Variants in ZNF681 observed in about 807,000 individuals in gnomAD.
The protein encoded by ZNF681 is hypothetical protein FLJ31526.
Under a neutral mutation model 56.0 loss-of-function variants are expected in ZNF681, and 37 were observed. The ratio of observed to expected loss-of-function variants is 0.66; its 90% CI spans 0.51 to 0.87. ZNF681 has a LOEUF of 0.87. Ranked by LOEUF, ZNF681 falls within the 40% of genes least tolerant of loss-of-function variation. ZNF681 has a pLI of 0.00. For synonymous variants in ZNF681, 225 were observed against 248.6 expected (o/e 0.91, Z 0.89); for missense variants, 741 against 744.9 (o/e 0.99, Z 0.06).
At chr19:23,757,235 GA>G (rs538562840) in intron 1 of ZNF681, among the ~76,000 whole-genome samples, 9 of 151,874 alleles carry the variant, frequency 5.9e-5, no homozygotes, top group East Asian at 5.8e-4. Flanking sequence ...AAAAGAAAAA[GA>G]AAAAAAATTA....
At chr19:23,747,916 TAGAGA>T (rs1436156900) in intron 3 of ZNF681, among the ~76,000 whole-genome samples, 1 of 151,962 alleles carries the variant, frequency 6.6e-6, no homozygotes, top group Non-Finnish European at 1.5e-5. Context: ...GAGCACACAA[TAGAGA>T]AAAGACAATC....
chr19:23,754,099 G>A (rs184342560), intron 3 of ZNF681, among the ~76,000 whole-genome samples: 186 of 144,212 alleles, frequency 1.3e-3, no homozygotes, highest in African/African-American at 4.2e-3. Flanking sequence ...CAAACAGGAC[G>A]GAATATGCAG....
At chr19:23,754,747 T>G in intron 3 of ZNF681, 76 bp downstream of exon 3, 1 of 1,171,018 alleles carries the variant, frequency 8.5e-7, no homozygotes, top group Non-Finnish European at 1.3e-6. Context: ...AATCACATTA[T>G]AAGCACTAGC....
intron 3 of ZNF681, among the ~76,000 whole-genome samples, chr19:23,746,132 T>C (rs1243684638): frequency 2.0e-5 from 3 of 151,972 alleles, no homozygotes; most frequent in Non-Finnish European, 4.4e-5. Flanking sequence ...CTGGCCAACA[T>C]GGTGAAACCC....
rs528798337 is a variant in ZNF681 at position 23,754,154 on chromosome 19, TG to T, written c.226+668del. Among the ~76,000 whole-genome samples, 7 of 151,924 alleles carry T rather than the reference TG, an allele frequency of 4.6e-5. No homozygotes were observed. In the South Asian group the frequency reaches 1.5e-3, roughly 32 times the overall value. On this transcript the variant is annotated intron_variant, in intron 3 of 3. Transcript: ENST00000402377. Reference sequence around the variant, plus strand: ...CTACTCTCACACATTTCAGAGATGATGCAAAAAAAGAACTTAACAGAGTTTC... The same window carrying T: ...CTACTCTCACACATTTCAGAGATGATCAAAAAAAGAACTTAACAGAGTTTC...
chr19:23,747,362 G>A (rs1016499290), intron 3 of ZNF681, among the ~76,000 whole-genome samples: 50 of 152,120 alleles, frequency 3.3e-4, no homozygotes, highest in African/African-American at 8.7e-4. Flanking sequence ...CAAAGTGGCC[G>A]GGCGCGGTGG....
chr19:23,742,533 AAT>A lies in ZNF681; in HGVS notation c.*1077_*1078del. The A allele has an allele frequency of 6.6e-6, 1 of 152,026 alleles. No homozygotes were observed. The highest frequency in any genetic ancestry group is 1.5e-5 in the Non-Finnish European group (1 of 68,022). The allele number at this position is 152,026 out of a possible 1,614,324, so 9.4% of individuals were successfully genotyped here. Reference sequence around the variant, plus strand: ...CAATTAGTAAAATGATATACCAGAAAATTTTTTTTCTCAATATAACACAGGAT... The same window carrying A: ...CAATTAGTAAAATGATATACCAGAAATTTTTTTCTCAATATAACACAGGAT... On this transcript the variant is annotated 3_prime_UTR_variant, in exon 4 of 4. Transcript: ENST00000402377.
intron 1 of ZNF681, among the ~76,000 whole-genome samples, chr19:23,756,412 T>C (rs917433779): frequency 4.0e-5 from 6 of 151,792 alleles, no homozygotes; most frequent in East Asian, 1.9e-4. Flanking sequence ...AATGATAGAA[T>C]GGATAAAGAA....
At chr19:23,754,779 G>A (rs767946092) in intron 3 of ZNF681, 44 bp downstream of exon 3, 10 of 1,477,878 alleles carry the variant, frequency 6.8e-6, no homozygotes, top group Middle Eastern at 1.7e-4. Flanking sequence ...CCTTTGAACC[G>A]CTCATCTATG....
chr19:23,757,811 C>T (rs570688368), intron 1 of ZNF681, among the ~76,000 whole-genome samples: 2 of 152,038 alleles, frequency 1.3e-5, no homozygotes, highest in Admixed American at 6.6e-5. Context: ...GTTCTCTATG[C>T]CACTGGGGTA....
At chr19:23,746,779 C>T (rs769424212) in intron 3 of ZNF681, among the ~76,000 whole-genome samples, 67 of 152,282 alleles carry the variant, frequency 4.4e-4, no homozygotes, top group Non-Finnish European at 7.6e-4. Flanking sequence ...ACACAATATT[C>T]TTATTTGCAC....
intron 3 of ZNF681, among the ~76,000 whole-genome samples, chr19:23,749,989 GAA>G (rs1009941373): frequency 7.3e-6 from 1 of 137,610 alleles, no homozygotes. Flanking sequence ...AATCAACTAA[GAA>G]AAAAAAAAAA....
At position 23,744,972 on chromosome 19, in the gene ZNF681, G is replaced by A. The variant is rs1968924395; in HGVS notation, c.578C>T (p.Thr193Ile). The A allele has an allele frequency of 6.2e-7, 1 of 1,601,740 alleles. No individual in the cohort carries two copies. Among genetic ancestry groups the A allele is most frequent in the African/African-American group, 1.3e-5 (1 of 74,304 alleles). ...TTCACATTTGTAGAAATTTACTCTA[G>A]TACAAATTATTTTATGTTGAGTTAG... is the stretch of plus-strand genomic sequence containing the variant. ...SNLTQHKIIC[T>I]RVNFYKCEDC... is the part of the protein sequence containing the mutation. The change falls in exon 4 of 4, where the codon ACT (threonine) becomes ATT (isoleucine). Residue 193 changes from threonine to isoleucine, a missense_variant. Transcript: ENST00000402377.
chr19:23,755,590 C>T lies in ZNF681; in HGVS notation c.4-39G>A, dbSNP rs762471847. ...ACACACACACACACACACACACACA[C>T]ACACACACATACACATTTAGAAAGT... On this transcript the variant is annotated intron_variant, in intron 1 of 3. Transcript: ENST00000402377. 4 of 1,324,468 alleles carry T rather than the reference C, an allele frequency of 3.0e-6. No individual in the cohort carries two copies. The African/African-American group carries it at 4.7e-5, about 15-fold the overall frequency. The allele number at this position is 1,324,468 out of a possible 1,614,324, so 82.0% of individuals were successfully genotyped here.
intron 1 of ZNF681, among the ~76,000 whole-genome samples, chr19:23,756,096 C>T (rs1211657455): frequency 1.3e-5 from 2 of 151,988 alleles, no homozygotes; most frequent in Non-Finnish European, 2.9e-5. Flanking sequence ...GAGGCTGAGG[C>T]GGGTGGATCA....
chr19:23,745,747 G>A (rs1968936467), intron 3 of ZNF681, among the ~76,000 whole-genome samples: 1 of 148,774 alleles, frequency 6.7e-6, no homozygotes, highest in African/African-American at 2.5e-5. Flanking sequence ...CACCGTGCTC[G>A]GCCCAAAGGC....
At chr19:23,755,662 T>A in intron 1 of ZNF681, 111 bp from the exon 2 acceptor site, 1 of 1,240,052 alleles carries the variant, frequency 8.1e-7, no homozygotes, top group Non-Finnish European at 1.1e-6. Context: ...AATAAGAAAG[T>A]GAAGAGAACT....
At position 23,743,776 on chromosome 19, in the gene ZNF681, A is replaced by G; in HGVS notation, c.1774T>C (p.Cys592Arg). 1 of 1,613,590 alleles carries G rather than the reference A, an allele frequency of 6.2e-7. No homozygotes were observed. The highest frequency in any genetic ancestry group is 8.5e-7 in the Non-Finnish European group (1 of 1,179,792). ...TTAAAAGCTTTGCCACATTTTTCAC[A>G]TTGGTAGGGTTTCTCTCCAGTATGA... ...RIHTGEKPYQ[C>R]EKCGKAFNQS... Residue 592 changes from cysteine (C) to arginine (R), a missense_variant, in exon 4 of 4, where the codon TGT becomes CGT. Physicochemically the swap from Cys to Arg is radical, Grantham distance 180. Transcript: ENST00000402377.
In ZNF681 at chr19:23,758,854, T is replaced by G. The variant is rs777377917; in HGVS notation, c.-105A>C. On this transcript the variant is annotated 5_prime_UTR_variant, in exon 1 of 4. Transcript: ENST00000402377. The stretch of plus-strand genomic sequence containing the variant: ...TCTAGAAGAAGAGGACACAGAGCAG[T>G]GAAGACGAGACCCGGAGCTCGGGCT... 6.6e-7 allele frequency: 1 copy of G among 1,511,152 alleles called. No homozygotes were observed. Among genetic ancestry groups the G allele is most frequent in the Non-Finnish European group, 9.1e-7 (1 of 1,103,222 alleles). The allele number at this position is 1,511,152 out of a possible 1,614,324, so 93.6% of individuals were successfully genotyped here. A position where few individuals can be genotyped will look rare whatever the true frequency, so the allele number is the denominator to read the frequency against.
Sources: gnomAD v4.1 joint callset for allele counts (sites outside exome capture counted in the v4.1 genomes callset) on GRCh38, gnomAD v4.1.1 for gene constraint, MANE v1.5 for transcripts, NCBI Gene and HGNC (gene_info 2026-07-23, HGNC 2026-07-21) for gene names.